PGM2: variants seen among roughly 807,000 people sequenced by gnomAD.
PGM2 encodes phosphoglucomutase 2, also known as phosphopentomutase.
A neutral mutation model predicts 74.6 loss-of-function variants in PGM2; 57 were observed. The ratio of observed to expected loss-of-function variants is 0.76; its 90% confidence interval spans 0.62 to 0.95. The LOEUF is 0.95. PGM2 is among the 40% of genes least tolerant of loss of function. PGM2 has a pLI of 0.00. For synonymous variants in PGM2, 273 were observed against 260.7 expected (o/e 1.05, Z -0.46); for missense variants, 706 against 741.9 (o/e 0.95, Z 0.56).
In PGM2 at chr4:37,861,890, T is replaced by C. The variant is rs903122250; in HGVS notation, c.*278T>C. The stretch of plus-strand genomic sequence containing the variant: ...AAACTGACTAACTTAAAAAAATAGA[T>C]TGTAATTGATGTGCCTTAATTTGCA... On this transcript the variant is annotated 3_prime_UTR_variant, in exon 14 of 14. Coordinates refer to ENST00000381967, the MANE Select transcript of PGM2 (RefSeq NM_018290.4). 4 of 312,346 alleles carry C rather than the reference T, an allele frequency of 1.3e-5. No individual in the cohort carries two copies. Among genetic ancestry groups the C allele is most frequent in the African/African-American group, 8.3e-5 (4 of 47,912 alleles). 19.3% of individuals were successfully genotyped at this position (312,346 alleles called of 1,614,324 possible).
chr4:37,853,359 C>CTTTTT (rs11358189), intron 12 of PGM2, among the ~76,000 whole-genome samples: 5 of 125,134 alleles, frequency 4.0e-5, no homozygotes, highest in South Asian at 2.6e-4. Context: ...GGTGATATTC[C>CTTTTT]TTTTTTTTTT....
chr4:37,836,543 C>A (rs1311584948), intron 3 of PGM2, among the ~76,000 whole-genome samples: 1 of 151,962 alleles, frequency 6.6e-6, no homozygotes, highest in Non-Finnish European at 1.5e-5. Context: ...ACATTTGTAA[C>A]AGAGAGAGAG....
chr4:37,855,261 C>T (rs796842206), intron 12 of PGM2, among the ~76,000 whole-genome samples: 1 of 152,276 alleles, frequency 6.6e-6, no homozygotes, highest in African/African-American at 2.4e-5. Flanking sequence ...TGAGTTCAAC[C>T]TTTTCGGATT....
chr4:37,833,533 C>G (rs1191887254), intron 2 of PGM2, among the ~76,000 whole-genome samples: 1 of 152,118 alleles, frequency 6.6e-6, no homozygotes, highest in Non-Finnish European at 1.5e-5. Context: ...TGCACTCCAG[C>G]ATGGGAGAGA....
At chr4:37,848,698 T>G in intron 11 of PGM2, 47 bp downstream of exon 11, 1 of 1,376,040 alleles carries the variant, frequency 7.3e-7, no homozygotes, top group Non-Finnish European at 1.0e-6. Flanking sequence ...TTTTGAAATG[T>G]TCTATTATAT....
At chr4:37,836,298 A>T (rs1203682118) in intron 3 of PGM2, among the ~76,000 whole-genome samples, 2 of 152,192 alleles carry the variant, frequency 1.3e-5, no homozygotes, top group Non-Finnish European at 2.9e-5. Context: ...GCTACTCTCT[A>T]TCACCTGTAA....
At chr4:37,858,307 A>G (rs753265284) in intron 13 of PGM2, among the ~76,000 whole-genome samples, 2 of 151,920 alleles carry the variant, frequency 1.3e-5, no homozygotes, top group African/African-American at 2.4e-5. Flanking sequence ...CAGCATACCT[A>G]ACGTACAACA....
intron 6 of PGM2, among the ~76,000 whole-genome samples, chr4:37,841,173 T>TGTGTGTGTGTGTGC (rs1454913441): frequency 3.9e-5 from 5 of 128,224 alleles, no homozygotes; most frequent in East Asian, 2.1e-4. Context: ...TGTGTGTGTG[T>TGTGTGTGTGTGTGC]GTGTGTGTGT....
intron 2 of PGM2, among the ~76,000 whole-genome samples, chr4:37,832,874 C>G (rs1725472726): frequency 6.6e-6 from 1 of 152,106 alleles, no homozygotes; most frequent in African/African-American, 2.4e-5. Flanking sequence ...TTTCTGAAAA[C>G]CTCCCTCTTC....
intron 4 of PGM2, 84 bp from the exon 5 acceptor site, chr4:37,839,764 A>T (rs1254819685): frequency 1.1e-5 from 9 of 789,672 alleles, no homozygotes; most frequent in Non-Finnish European, 1.6e-5. Flanking sequence ...GCAAGTTGGC[A>T]TGAACAGTAT....
chr4:37,843,690 A>C (rs1725791690), intron 6 of PGM2, among the ~76,000 whole-genome samples: 1 of 151,270 alleles, frequency 6.6e-6, no homozygotes, highest in Admixed American at 6.6e-5. Context: ...GCTCACTGCA[A>C]CCTCCACCTC....
intron 12 of PGM2, 66 bp from the exon 13 acceptor site, chr4:37,855,542 A>G: frequency 2.9e-6 from 4 of 1,382,180 alleles, no homozygotes; most frequent in Non-Finnish European, 4.0e-6. Context: ...TTACTTATGC[A>G]AGAGAAGATA....
At chr4:37,836,430 G>C (rs1577674014) in intron 3 of PGM2, among the ~76,000 whole-genome samples, 1 of 152,212 alleles carries the variant, frequency 6.6e-6, no homozygotes. Context: ...AATTTCGCCC[G>C]AGGAGATGTT....
chr4:37,861,629 G>T lies in PGM2; in HGVS notation c.*17G>T, dbSNP rs753487665. 4.6e-6 allele frequency: 7 copies of T among 1,513,390 alleles called. No homozygotes were observed. In the South Asian group the frequency reaches 6.7e-5, roughly 15 times the overall value. 93.7% of individuals were successfully genotyped at this position (1,513,390 alleles called of 1,614,324 possible). A position where few individuals can be genotyped will look rare whatever the true frequency, so the allele number is the denominator to read the frequency against. On this transcript the variant is annotated 3_prime_UTR_variant, in exon 14 of 14. Transcript: ENST00000381967. The stretch of plus-strand genomic sequence containing the variant: ...GCAGACTAAAATAGTCCAGCCTTGG[G>T]TATACTTGCATTTACCTACAATTAA...
chr4:37,839,560 T>G (rs1392195517), intron 4 of PGM2: 1 of 551,284 alleles, frequency 1.8e-6, no homozygotes, highest in Non-Finnish European at 3.4e-6. Context: ...AGACCATCGT[T>G]GTGTTTGAAG....
rs1039526065 is a variant in PGM2, at chr4:37,826,752, G to C, written c.20G>C (p.Ser7Thr). The C allele has an allele frequency of 6.5e-7, 1 of 1,550,066 alleles. No individual in the cohort carries two copies. Among genetic ancestry groups the C allele is most frequent in the Non-Finnish European group, 8.7e-7 (1 of 1,146,450 alleles). MAAPEG[S>T]GLGEDARLDQ... ...TCAGCGATGGCGGCTCCAGAAGGCA[G>C]CGGTCTAGGCGAGGACGCCCGGCTG... The change falls in exon 1 of 14, where the codon AGC (serine) becomes ACC (threonine). Residue 7 changes from serine to threonine, a missense_variant. Around this residue, in one of 3 missense-constraint regions of PGM2, gnomAD observed 332 missense variants for 334.9 expected, o/e 0.99. Transcript: ENST00000381967.
At chr4:37,854,668 A>G (rs943956222) in intron 12 of PGM2, among the ~76,000 whole-genome samples, 1 of 150,648 alleles carries the variant, frequency 6.6e-6, no homozygotes, top group Non-Finnish European at 1.5e-5. Flanking sequence ...TGGAAGCTTT[A>G]TTTAAAAAAA....
intron 3 of PGM2, 108 bp from the exon 4 acceptor site, chr4:37,837,421 A>T: frequency 3.9e-6 from 3 of 769,636 alleles, no homozygotes; most frequent in Non-Finnish European, 7.1e-6. Context: ...CTTGATCTGG[A>T]TGCTGCATTC....
At chr4:37,857,618 C>T (rs1474223317) in intron 13 of PGM2, among the ~76,000 whole-genome samples, 1 of 152,150 alleles carries the variant, frequency 6.6e-6, no homozygotes, top group African/African-American at 2.4e-5. Context: ...TCCACTCCAA[C>T]ACAGTCATGC....
Sources: allele counts gnomAD v4.1 joint callset (sites outside exome capture counted in the v4.1 genomes callset), GRCh38; gene constraint gnomAD v4.1.1; regional missense constraint gnomAD v4.1.1; transcripts MANE v1.5; gene names NCBI Gene and HGNC (gene_info 2026-07-23, HGNC 2026-07-21).